PITPNC1: variants seen among roughly 807,000 people sequenced by gnomAD.
PITPNC1 encodes the protein cytoplasmic phosphatidylinositol transfer protein 1.
A neutral mutation model predicts 44.7 loss-of-function variants in PITPNC1; 18 were observed. That is an observed-to-expected ratio of 0.40 (90% CI 0.28 to 0.60). The LOEUF (loss-of-function observed/expected upper bound fraction) is 0.60, where lower values mean the gene tolerates loss of function less well. PITPNC1 is among the 20% of genes least tolerant of loss of function. PITPNC1 has a pLI of 0.39. For synonymous variants in PITPNC1, 141 were observed against 149.6 expected (o/e 0.94, Z 0.42); for missense variants, 290 against 418.4 (o/e 0.69, Z 2.68).
intron 1 of PITPNC1, among the ~76,000 whole-genome samples, chr17:67,430,752 A>C (rs1171745330): frequency 6.6e-6 from 1 of 151,840 alleles, no homozygotes; most frequent in Non-Finnish European, 1.5e-5. Flanking sequence ...CCGGGAGTTC[A>C]AGATCAGCCT....
At chr17:67,665,105 TTTG>T (rs779535090) in intron 6 of PITPNC1, among the ~76,000 whole-genome samples, 64 of 151,116 alleles carry the variant, frequency 4.2e-4, no homozygotes, top group East Asian at 9.6e-4. Flanking sequence ...TGTTTGTTTG[TTTG>T]TTGAGACAGG....
Position 67,479,625 on chromosome 17 carries a change from A to G in PITPNC1, c.49-53177A>G, listed in dbSNP as rs572039021. On this transcript the variant is annotated intron_variant, in intron 1 of 8. Coordinates refer to ENST00000581322, the MANE Select transcript of PITPNC1 (RefSeq NM_012417.4). ...TTCTTGGAACAAAGGACAAACGGGT[A>G]GAATGCTTGAAACAGACCAAATCAA... is the stretch of plus-strand genomic sequence containing the variant. Among the ~76,000 whole-genome samples the G allele has an allele frequency of 2.0e-5, 3 of 152,320 alleles. No individual in the cohort carries two copies. In the East Asian group the frequency reaches 5.8e-4, roughly 29 times the overall value.
At chr17:67,603,834 G>A (rs546968751) in intron 5 of PITPNC1, among the ~76,000 whole-genome samples, 45 of 152,134 alleles carry the variant, frequency 3.0e-4, no homozygotes, top group African/African-American at 1.1e-3. Context: ...GGAGGCTGAG[G>A]CAGGAGAATC....
intron 1 of PITPNC1, among the ~76,000 whole-genome samples, chr17:67,470,522 T>C (rs2039506285): frequency 6.6e-6 from 1 of 152,270 alleles, no homozygotes; most frequent in Admixed American, 6.5e-5. Flanking sequence ...CTCACTTCTT[T>C]TGCTCAACAC....
chr17:67,464,817 G>T (rs1407773829), intron 1 of PITPNC1, among the ~76,000 whole-genome samples: 5 of 151,276 alleles, frequency 3.3e-5, no homozygotes, highest in Admixed American at 2.6e-4. Flanking sequence ...TCCTCTCACC[G>T]CAATGTCTGC....
intron 6 of PITPNC1, among the ~76,000 whole-genome samples, chr17:67,664,442 G>A (rs1372650852): frequency 6.6e-6 from 1 of 152,124 alleles, no homozygotes; most frequent in East Asian, 1.9e-4. Flanking sequence ...TCAGCATTCC[G>A]TTTTCTCCAC....
intron 1 of PITPNC1, among the ~76,000 whole-genome samples, chr17:67,447,779 A>G (rs1445952960): frequency 6.6e-6 from 1 of 152,138 alleles, no homozygotes; most frequent in African/African-American, 2.4e-5. Flanking sequence ...CTTTGATACT[A>G]TGAAGGGACA....
intron 2 of PITPNC1, among the ~76,000 whole-genome samples, chr17:67,549,699 C>T (rs1028490546): frequency 1.3e-5 from 2 of 152,082 alleles, no homozygotes; most frequent in Non-Finnish European, 2.9e-5. Context: ...ACTTGGGCCC[C>T]GGACTACTAC....
At chr17:67,583,877 G>A (rs1568052010) in intron 5 of PITPNC1, among the ~76,000 whole-genome samples, 1 of 122,814 alleles carries the variant, frequency 8.1e-6, no homozygotes, top group Non-Finnish European at 1.7e-5. Flanking sequence ...GTGTGTGTGT[G>A]TGTGTGTGTG....
Position 67,506,349 on chromosome 17 carries a change from T to TTTTAG in PITPNC1, c.49-26439_49-26435dup, listed in dbSNP as rs563855924. ...TCTCCCTTTAGATTTAAGATATTGT[T>TTTTAG]TTTAGTTTAGTTTAGTTTTGCTTTG... On this transcript the variant is annotated intron_variant, in intron 1 of 8. Coordinates refer to ENST00000581322, the MANE Select transcript of PITPNC1 (RefSeq NM_012417.4). 5.0e-3 allele frequency among the ~76,000 whole-genome samples: 759 copies of TTTTAG among 152,328 alleles called. 6 individuals are homozygous for TTTTAG. The highest frequency in any genetic ancestry group is 0.018 in the African/African-American group (729 of 41,562).
chr17:67,642,257 C>T (rs1424385768), intron 6 of PITPNC1, among the ~76,000 whole-genome samples: 4 of 152,032 alleles, frequency 2.6e-5, no homozygotes, highest in Admixed American at 1.3e-4. Flanking sequence ...GCAGGGGTCA[C>T]CAAAAATAAA....
In PITPNC1 at chr17:67,602,998, C is replaced by T. The variant is rs181735113; in HGVS notation, c.366+24741C>T. On this transcript the variant is annotated intron_variant, in intron 5 of 8. Coordinates refer to ENST00000581322, the MANE Select transcript of PITPNC1 (RefSeq NM_012417.4). ...TCAAGTGATCCTCTTGCCTCACCCT[C>T]CCGTAGTGCTGGGATTACAAGCATG... is the stretch of plus-strand genomic sequence containing the variant. 3.7e-3 allele frequency among the ~76,000 whole-genome samples: 568 copies of T among 152,272 alleles called. 2 individuals are homozygous for T. Among genetic ancestry groups the T allele is most frequent in the African/African-American group, 0.013 (539 of 41,540 alleles).
chr17:67,390,604 C>T (rs1046131166), intron 1 of PITPNC1, among the ~76,000 whole-genome samples: 1 of 152,188 alleles, frequency 6.6e-6, no homozygotes, highest in Non-Finnish European at 1.5e-5. Flanking sequence ...CTTAAGCCTT[C>T]CCATCAAGGG....
intron 6 of PITPNC1, among the ~76,000 whole-genome samples, chr17:67,657,160 T>TTTGTTTTG (rs371803459): frequency 1.4e-4 from 21 of 150,722 alleles, no homozygotes; most frequent in African/African-American, 5.2e-4. Context: ...ACCCCCGTTT[T>TTTGTTTTG]TTTTGTTTTG....
intron 1 of PITPNC1, among the ~76,000 whole-genome samples, chr17:67,473,424 G>A (rs2039578508): frequency 6.6e-6 from 1 of 151,602 alleles, no homozygotes; most frequent in Admixed American, 6.6e-5. Context: ...CACCTCCTGG[G>A]TTCACGCCAT....
At chr17:67,630,101 G>A (rs918393401) in intron 5 of PITPNC1, among the ~76,000 whole-genome samples, 3 of 152,178 alleles carry the variant, frequency 2.0e-5, no homozygotes, top group Non-Finnish European at 4.4e-5. Context: ...CCTATAAAGA[G>A]CCCTTCAGAT....
chr17:67,483,953 T>C lies in PITPNC1; in HGVS notation c.49-48849T>C, dbSNP rs1439467654. Among the ~76,000 whole-genome samples the C allele has an allele frequency of 2.7e-5, 4 of 150,782 alleles. No homozygotes were observed. The East Asian group carries it at 5.9e-4, about 22-fold the overall frequency. On this transcript the variant is annotated intron_variant, in intron 1 of 8. Transcript: ENST00000581322. ...TTTTTTTTGAGGTGGAGTTTTGCTC[T>C]TGTTGCCCAGGCTGGAGTGCCGTGG...
At chr17:67,578,081 G>A (rs1453360665) in intron 4 of PITPNC1, 105 bp from the exon 5 acceptor site, 1 of 773,738 alleles carries the variant, frequency 1.3e-6, no homozygotes, top group Admixed American at 2.0e-5. Context: ...TCTGTTCCGG[G>A]ACGGTGCTTG....
intron 1 of PITPNC1, among the ~76,000 whole-genome samples, chr17:67,518,795 T>G (rs1172143776): frequency 6.6e-6 from 1 of 152,146 alleles, no homozygotes; most frequent in Non-Finnish European, 1.5e-5. Flanking sequence ...TTTTTTAAAT[T>G]ACCCAGGCAT....
Sources: gnomAD v4.1 joint callset for allele counts (sites outside exome capture counted in the v4.1 genomes callset) on GRCh38, gnomAD v4.1.1 for gene constraint, MANE v1.5 for transcripts, NCBI Gene and HGNC (gene_info 2026-07-23, HGNC 2026-07-21) for gene names.